CNOT10: variants seen among roughly 807,000 people sequenced by gnomAD.
CNOT10 encodes CCR4-NOT transcription complex subunit 10, also known as CCR4-NOT transcription complex, subunit 10.
Under a neutral mutation model 94.6 loss-of-function variants are expected in CNOT10, and 30 were observed. That is an observed-to-expected ratio of 0.32 (90% CI 0.24 to 0.43). CNOT10 has a LOEUF of 0.43. Among genes scored for constraint, CNOT10 ranks in the 20% least tolerant of loss-of-function variants. CNOT10 has a pLI of 1.00. For missense variants in CNOT10, 759 were observed against 877.2 expected, an observed-to-expected ratio of 0.87 and a Z score of 1.70; for synonymous variants, 289 against 301.6, an observed-to-expected ratio of 0.96 and a Z score of 0.43.
At chr3:32,764,348 A>AG (rs1389939515) in intron 15 of CNOT10, 107 bp from the exon 16 acceptor site, 1 of 1,198,558 alleles carries the variant, frequency 8.3e-7, no homozygotes, top group East Asian at 2.4e-5. Flanking sequence ...AAAAAAAAAA[A>AG]AAGAAAAGAA....
At chr3:32,753,494 C>G (rs959093976) in intron 13 of CNOT10, 2 of 1,564,262 alleles carry the variant, frequency 1.3e-6, no homozygotes, top group Admixed American at 3.4e-5. Flanking sequence ...CCTATAATAC[C>G]AGAACAGAGC....
chr3:32,702,155 G>A lies in CNOT10; in HGVS notation c.23-1713G>A, dbSNP rs564620200. On this transcript the variant is annotated intron_variant, in intron 1 of 18. Transcript: ENST00000328834. The stretch of plus-strand genomic sequence containing the variant: ...CTGTCGCCCAGGCTGGAGTGAAGTG[G>A]CGTGATCTCAGCTCACTGCAACCTC... 4.6e-5 allele frequency among the ~76,000 whole-genome samples: 7 copies of A among 151,384 alleles called. No individual in the cohort carries two copies. In the East Asian group the frequency reaches 1.4e-3, roughly 29 times the overall value.
In CNOT10 at chr3:32,685,498, C is replaced by A; in HGVS notation, c.22+16C>A. 2.6e-6 allele frequency: 4 copies of A among 1,550,362 alleles called. No homozygotes were observed. Among genetic ancestry groups the A allele is most frequent in the Non-Finnish European group, 2.6e-6 (3 of 1,146,690 alleles). On this transcript the variant is annotated intron_variant, in intron 1 of 18. Coordinates refer to ENST00000328834, the MANE Select transcript of CNOT10 (RefSeq NM_015442.3). ...AAGCCTGCAGGTAGGGCGCCAATGT[C>A]CCGAGCGACGAGACGGCGGGACGTG...
chr3:32,712,165 T>TG lies in CNOT10; in HGVS notation c.431-1062_431-1061insG, dbSNP rs574938577. Reference sequence around the variant, plus strand: ...CTTCTGTAATCAGGTGTTTGTTTGTTTTTTTTTTTTTTCCATCTCCATGAC... The same window carrying TG: ...CTTCTGTAATCAGGTGTTTGTTTGTTGTTTTTTTTTTTTCCATCTCCATGAC... On this transcript the variant is annotated intron_variant, in intron 4 of 18. Coordinates refer to ENST00000328834, the MANE Select transcript of CNOT10 (RefSeq NM_015442.3). Among the ~76,000 whole-genome samples, 660 of 143,504 alleles carry TG rather than the reference T, an allele frequency of 4.6e-3. 7 individuals are homozygous for TG. The highest frequency in any genetic ancestry group is 0.016 in the African/African-American group (636 of 40,148). 94.1% of individuals were successfully genotyped at this position (143,504 alleles called of 152,430 possible). A position where few individuals can be genotyped will look rare whatever the true frequency, so the allele number is the denominator to read the frequency against.
At position 32,762,764 on chromosome 3, in the gene CNOT10, C is replaced by G. The variant is rs775420695; in HGVS notation, c.1741C>G (p.Leu581Val). 1 of 1,591,370 alleles carries G rather than the reference C, an allele frequency of 6.3e-7. No individual in the cohort carries two copies. The highest frequency in any genetic ancestry group is 8.5e-7 in the Non-Finnish European group (1 of 1,174,374). The change falls in exon 15 of 19, where the codon CTC (leucine) becomes GTC (valine). Residue 581 changes from leucine to valine, a missense_variant. Physicochemically the swap from Leu to Val is conservative, Grantham distance 32 (BLOSUM62 1). Around this residue, in one of 3 missense-constraint regions of CNOT10, gnomAD observed 682 missense variants for 799.4 expected, o/e 0.85. Transcript: ENST00000328834. ...FLGHLYAAEA[L>V]ISLDRISDAI... ...GGGACATTTATATGCTGCAGAAGCC[C>G]TCATCTCTCTCGACAGAATATCTGA...
chr3:32,735,657 C>T (rs891588786), intron 12 of CNOT10, among the ~76,000 whole-genome samples: 4 of 151,500 alleles, frequency 2.6e-5, no homozygotes, highest in Admixed American at 1.3e-4. Context: ...CAGTGAGCCA[C>T]GATCATGCCA....
Position 32,764,759 on chromosome 3 carries a change from G to A in CNOT10, c.1954G>A (p.Ala652Thr), listed in dbSNP as rs770500134. The A allele has an allele frequency of 8.1e-6, 13 of 1,614,012 alleles. No individual in the cohort carries two copies. Among genetic ancestry groups the A allele is most frequent in the South Asian group, 1.1e-5 (1 of 91,086 alleles). ...RTVMLFNLGS[A>T]YCLRSEYDKA... The stretch of plus-strand genomic sequence containing the variant: ...TGTGATGCTGTTCAACCTTGGCAGC[G>A]CTTACTGCCTGAGGAGCGAATATGA... The change falls in exon 17 of 19, where the codon GCT (alanine) becomes ACT (threonine). Residue 652 changes from alanine (A) to threonine (T), a missense_variant. Ala to Thr is a moderately conservative substitution (Grantham distance 58, BLOSUM62 0). Coordinates refer to ENST00000328834, the MANE Select transcript of CNOT10 (RefSeq NM_015442.3).
chr3:32,699,627 A>G (rs1346771227), intron 1 of CNOT10, among the ~76,000 whole-genome samples: 1 of 152,186 alleles, frequency 6.6e-6, no homozygotes, highest in Non-Finnish European at 1.5e-5. Context: ...CACACTTCCC[A>G]GTATCCTGGA....
At chr3:32,760,281 ATAT>A (rs1162617968) in intron 14 of CNOT10, among the ~76,000 whole-genome samples, 1 of 152,124 alleles carries the variant, frequency 6.6e-6, no homozygotes, top group Non-Finnish European at 1.5e-5. Context: ...TTCTTCATTA[ATAT>A]CATTGTCATT....
intron 13 of CNOT10, among the ~76,000 whole-genome samples, chr3:32,744,662 T>C (rs924226976): frequency 6.6e-6 from 1 of 152,210 alleles, no homozygotes; most frequent in African/African-American, 2.4e-5. Flanking sequence ...AGAAATCAAC[T>C]AACTAGTTTA....
intron 1 of CNOT10, among the ~76,000 whole-genome samples, chr3:32,703,146 G>C (rs1178355330): frequency 1.4e-5 from 2 of 145,036 alleles, no homozygotes; most frequent in South Asian, 2.2e-4. Context: ...GGATGGTCTC[G>C]ATCTCCTGAC....
At chr3:32,688,165 C>A (rs948134959) in intron 1 of CNOT10, among the ~76,000 whole-genome samples, 2 of 152,098 alleles carry the variant, frequency 1.3e-5, no homozygotes, top group Admixed American at 6.6e-5. Context: ...AAATATTCAC[C>A]AATGGCCTGT....
At chr3:32,701,237 A>C (rs1559479650) in intron 1 of CNOT10, among the ~76,000 whole-genome samples, 1 of 151,276 alleles carries the variant, frequency 6.6e-6, no homozygotes, top group African/African-American at 2.4e-5. Flanking sequence ...ATCTAAATAA[A>C]TAAGTAAAAT....
At chr3:32,756,358 T>C (rs903113008) in intron 13 of CNOT10, among the ~76,000 whole-genome samples, 2 of 152,236 alleles carry the variant, frequency 1.3e-5, no homozygotes, top group African/African-American at 4.8e-5. Context: ...AGCAGATTTT[T>C]ATATTCTACG....
chr3:32,713,455 A>C (rs1413598973), intron 5 of CNOT10, 86 bp downstream of exon 5: 1 of 1,062,832 alleles, frequency 9.4e-7, no homozygotes, highest in Non-Finnish European at 1.4e-6. Context: ...AAAGAAAGCA[A>C]TTAAAATATG....
At chr3:32,716,053 C>T (rs770449227) in intron 5 of CNOT10, 172 bp from the exon 6 acceptor site, 3 of 444,670 alleles carry the variant, frequency 6.7e-6, no homozygotes, top group East Asian at 3.6e-5. Flanking sequence ...GCGATCCGCC[C>T]GCCTCTGCCT....
Position 32,773,482 on chromosome 3 carries a change from C to A in CNOT10, c.2106C>A (p.Ile702=), listed in dbSNP as rs754344280. The A allele has an allele frequency of 6.2e-7, 1 of 1,613,444 alleles. No individual in the cohort carries two copies. The highest frequency in any genetic ancestry group is 8.5e-7 in the Non-Finnish European group (1 of 1,179,780). ...GTAATACTCAGCTGGCCTTACAGAT[C>A]ATCAAAAGGAATCAGCTGCTCCCTG... ...QNGNTQLALQ[I]IKRNQLLPAV... is the part of the protein sequence containing the mutation. Residue 702 remains isoleucine, a synonymous_variant, in exon 19 of 19, where the codon ATC becomes ATA. Coordinates refer to ENST00000328834, the MANE Select transcript of CNOT10 (RefSeq NM_015442.3).
chr3:32,716,811 G>A (rs1021689253), intron 6 of CNOT10, among the ~76,000 whole-genome samples: 2 of 152,050 alleles, frequency 1.3e-5, no homozygotes, highest in African/African-American at 2.4e-5. Flanking sequence ...ACCACACCCG[G>A]ATAATTTTTT....
At chr3:32,742,757 A>G (rs945928072) in intron 13 of CNOT10, among the ~76,000 whole-genome samples, 1 of 151,940 alleles carries the variant, frequency 6.6e-6, no homozygotes, top group African/African-American at 2.4e-5. Context: ...CCTTTGTTTC[A>G]CTCTTTCTCA....
Sources: gnomAD v4.1 joint callset for allele counts (sites outside exome capture counted in the v4.1 genomes callset) on GRCh38, gnomAD v4.1.1 for gene constraint, gnomAD v4.1.1 regional missense constraint, MANE v1.5 for transcripts, NCBI Gene and HGNC (gene_info 2026-07-23, HGNC 2026-07-21) for gene names.